ATXN1: variants seen among roughly 807,000 people sequenced by gnomAD.
ATXN1 encodes ataxin 1.
ATXN1 carries 8 observed loss-of-function variants against 56.4 expected under a neutral mutation model. That is an observed-to-expected ratio of 0.14 (90% CI 0.08 to 0.26). The LOEUF is 0.26. Ranked by LOEUF, ATXN1 falls within the 10% of genes least tolerant of loss-of-function variation. ATXN1 has a pLI of 1.00. For synonymous variants in ATXN1, 514 were observed against 494.6 expected, an observed-to-expected ratio of 1.04 and a Z score of -0.52; for missense variants, 987 against 1,106.5, an observed-to-expected ratio of 0.89 and a Z score of 1.53.
intron 5 of ATXN1, among the ~76,000 whole-genome samples, chr6:16,505,360 T>C (rs950208881): frequency 3.3e-5 from 5 of 152,136 alleles, no homozygotes; most frequent in African/African-American, 1.2e-4. Flanking sequence ...AAAGGTCCCT[T>C]ATTAGGTGGG....
At chr6:16,649,821 C>A (rs1763863125) in intron 3 of ATXN1, among the ~76,000 whole-genome samples, 1 of 152,116 alleles carries the variant, frequency 6.6e-6, no homozygotes, top group South Asian at 2.1e-4. Flanking sequence ...CAGGAATGGG[C>A]TTAACACTTG....
chr6:16,699,671 A>T (rs1435171444), intron 2 of ATXN1, among the ~76,000 whole-genome samples: 1 of 152,232 alleles, frequency 6.6e-6, no homozygotes, highest in African/African-American at 2.4e-5. Flanking sequence ...CAGACACTGA[A>T]AGGTGATAAG....
intron 6 of ATXN1, among the ~76,000 whole-genome samples, chr6:16,469,371 G>A (rs780161870): frequency 6.6e-6 from 1 of 152,206 alleles, no homozygotes; most frequent in Non-Finnish European, 1.5e-5. Flanking sequence ...GTTAAAGAAA[G>A]CTTCTAAGAT....
chr6:16,416,044 C>T (rs961627031), intron 6 of ATXN1, among the ~76,000 whole-genome samples: 6 of 144,696 alleles, frequency 4.1e-5, no homozygotes, highest in East Asian at 2.0e-4. Context: ...CAAACAGGAT[C>T]GTCAGGAAAG....
At chr6:16,399,983 G>C (rs994165878) in intron 6 of ATXN1, among the ~76,000 whole-genome samples, 3 of 152,090 alleles carry the variant, frequency 2.0e-5, no homozygotes, top group African/African-American at 7.2e-5. Context: ...CCTCACCATG[G>C]CCCACAGCCC....
chr6:16,729,708 T>C (rs1759925933), intron 2 of ATXN1, among the ~76,000 whole-genome samples: 1 of 152,212 alleles, frequency 6.6e-6, no homozygotes, highest in African/African-American at 2.4e-5. Context: ...CAGCCCACAC[T>C]ATGATGCTTT....
intron 3 of ATXN1, among the ~76,000 whole-genome samples, chr6:16,587,437 T>C (rs1327299033): frequency 1.3e-5 from 2 of 152,212 alleles, no homozygotes; most frequent in African/African-American, 4.8e-5. Context: ...TACATACTAA[T>C]ACAGATCTTA....
Position 16,306,609 on chromosome 6 carries a change from T to A in ATXN1, c.2168A>T (p.Tyr723Phe). ...ADGLAGSRHRYAEQENGINQG... is the reference protein window; with the variant it reads ...ADGLAGSRHRFAEQENGINQG... The stretch of plus-strand genomic sequence containing the variant: ...GTTGATTCCGTTTTCCTGCTCGGCA[T>A]ACCTGTGTCTGCTGCCCGCCAGGCC... The change falls in exon 8 of 8, where the codon TAT becomes TTT. Residue 723 changes from tyrosine to phenylalanine, a missense_variant. By Grantham distance (22) the Tyr-to-Phe change is conservative. Around this residue, in one of 3 missense-constraint regions of ATXN1, gnomAD observed 196 missense variants for 196.7 expected, o/e 1.00. Transcript: ENST00000436367. The surrounding 1 kb of genome is among the most constrained non-coding windows in gnomAD (Gnocchi z 5.2). 6.2e-7 allele frequency: 1 copy of A among 1,614,256 alleles called. No homozygotes were observed. The highest frequency in any genetic ancestry group is 8.5e-7 in the Non-Finnish European group (1 of 1,180,046).
In ATXN1 at chr6:16,306,823, C is replaced by CA; in HGVS notation, c.1953dup (p.Val652CysfsTer19). ...CAGGATGACCAGCCCTGTCCAAACA[C>CA]AAAAAAAGGATACTCTACCAAAACT... On this transcript the variant is annotated frameshift_variant, in exon 8 of 8. Coordinates refer to ENST00000436367, the MANE Select transcript of ATXN1 (RefSeq NM_001128164.2). LOFTEE classifies it high-confidence loss of function. This position sits in a 1 kb window ranked among gnomAD's most constrained non-coding sequence, Gnocchi z 5.2. 6.2e-7 allele frequency: 1 copy of CA among 1,603,114 alleles called. No homozygotes were observed. The highest frequency in any genetic ancestry group is 8.5e-7 in the Non-Finnish European group (1 of 1,177,352).
chr6:16,719,609 C>G (rs997548473), intron 2 of ATXN1, among the ~76,000 whole-genome samples: 1 of 152,174 alleles, frequency 6.6e-6, no homozygotes, highest in Non-Finnish European at 1.5e-5. Flanking sequence ...GCCTTTGTGA[C>G]AACCCATGAC....
intron 6 of ATXN1, among the ~76,000 whole-genome samples, chr6:16,396,525 T>A (rs1758462813): frequency 6.6e-6 from 1 of 152,250 alleles, no homozygotes. Flanking sequence ...ATCAAAAAGT[T>A]TTTAAAAATT....
chr6:16,753,010 T>C (rs1338875293), intron 2 of ATXN1: 3 of 288,576 alleles, frequency 1.0e-5, no homozygotes, highest in Non-Finnish European at 2.1e-5. Context: ...CAAATGAAAG[T>C]CTTCATGAAC....
At chr6:16,408,616 A>G (rs1265347537) in intron 6 of ATXN1, among the ~76,000 whole-genome samples, 1 of 152,242 alleles carries the variant, frequency 6.6e-6, no homozygotes, top group African/African-American at 2.4e-5. Flanking sequence ...CAGGGTTTTA[A>G]TGATAAGGAA....
intron 4 of ATXN1, among the ~76,000 whole-genome samples, chr6:16,558,300 CAAAAAAAAA>C (rs34684208): frequency 1.9e-4 from 18 of 95,410 alleles, no homozygotes; most frequent in Non-Finnish European, 3.8e-4. Flanking sequence ...GATCCTGTGT[CAAAAAAAAA>C]AAAAAAAAAG....
chr6:16,707,408 C>T (rs970960433), intron 2 of ATXN1, among the ~76,000 whole-genome samples: 1 of 152,142 alleles, frequency 6.6e-6, no homozygotes, highest in African/African-American at 2.4e-5. Context: ...CCGGTTGTTC[C>T]ACCAGTCCTC....
At chr6:16,556,836 T>C (rs1762022517) in intron 4 of ATXN1, among the ~76,000 whole-genome samples, 1 of 152,240 alleles carries the variant, frequency 6.6e-6, no homozygotes, top group Non-Finnish European at 1.5e-5. Context: ...TTATTATTTA[T>C]AAATGCTATG....
intron 4 of ATXN1, among the ~76,000 whole-genome samples, chr6:16,554,222 G>A (rs978808641): frequency 3.3e-5 from 5 of 152,226 alleles, no homozygotes; most frequent in African/African-American, 1.2e-4. Context: ...TATAACAAGT[G>A]ATTCATGGAA....
At chr6:16,547,376 C>A (rs1214352361) in intron 4 of ATXN1, among the ~76,000 whole-genome samples, 2 of 152,114 alleles carry the variant, frequency 1.3e-5, no homozygotes, top group Admixed American at 1.3e-4. Context: ...CAGAGGAAAT[C>A]TTGTCATTTT....
chr6:16,396,574 T>C (rs1418238766), intron 6 of ATXN1, among the ~76,000 whole-genome samples: 1 of 152,212 alleles, frequency 6.6e-6, no homozygotes, highest in East Asian at 1.9e-4. Flanking sequence ...TGAGCGTGGT[T>C]AATTTATTAT....
Sources: allele counts gnomAD v4.1 joint callset (sites outside exome capture counted in the v4.1 genomes callset), GRCh38; gene constraint gnomAD v4.1.1; regional missense constraint gnomAD v4.1.1; non-coding constraint Gnocchi (gnomAD v3.1); transcripts MANE v1.5; gene names NCBI Gene and HGNC (gene_info 2026-07-23, HGNC 2026-07-21).